PAPPA: variants seen among roughly 807,000 people sequenced by gnomAD.
The protein encoded by PAPPA is pappalysin-1.
In PAPPA, 60 loss-of-function variants were observed where a neutral mutation model predicts 164.0. That is an observed-to-expected ratio of 0.37 (90% CI 0.30 to 0.45). The LOEUF (loss-of-function observed/expected upper bound fraction) is 0.45. PAPPA is among the 20% of genes least tolerant of loss of function. The probability of loss-of-function intolerance (pLI) is 1.00; values close to 1 mark genes in which losing one functional copy is unlikely to be tolerated. For synonymous variants in PAPPA, 875 were observed against 814.1 expected, an observed-to-expected ratio of 1.07 and a Z score of -1.27; for missense variants, 1,782 against 2,087.3, an observed-to-expected ratio of 0.85 and a Z score of 2.85.
At chr9:116,288,929 A>G (rs1845379215) in intron 9 of PAPPA, 1 of 151,888 alleles carries the variant, frequency 6.6e-6, no homozygotes, top group South Asian at 2.1e-4. Context: ...CACCTTAGTC[A>G]CAACCAGCTA....
chr9:116,391,827 G>A (rs978902241), intron 21 of PAPPA, among the ~76,000 whole-genome samples: 2 of 152,228 alleles, frequency 1.3e-5, no homozygotes, highest in African/African-American at 4.8e-5. Flanking sequence ...TGTTCATGCT[G>A]TGGGTGGTAG....
At chr9:116,329,369 A>G (rs1186253690) in intron 10 of PAPPA, among the ~76,000 whole-genome samples, 1 of 152,174 alleles carries the variant, frequency 6.6e-6, no homozygotes, top group Non-Finnish European at 1.5e-5. Context: ...TTATAAAATT[A>G]CATATGATGA....
chr9:116,226,454 G>T (rs1844511545), intron 5 of PAPPA, among the ~76,000 whole-genome samples: 1 of 152,188 alleles, frequency 6.6e-6, no homozygotes, highest in Non-Finnish European at 1.5e-5. Context: ...GGTAGCCAAA[G>T]CACAGAAGTT....
intron 10 of PAPPA, among the ~76,000 whole-genome samples, chr9:116,314,244 T>C (rs1298891878): frequency 6.6e-6 from 1 of 151,548 alleles, no homozygotes; most frequent in Non-Finnish European, 1.5e-5. Flanking sequence ...CTAATTTTTG[T>C]ATTTTTAGTA....
chr9:116,235,658 G>A (rs1357569502), intron 7 of PAPPA, 21 bp downstream of exon 7: 5 of 1,612,030 alleles, frequency 3.1e-6, no homozygotes, highest in Non-Finnish European at 4.2e-6. Flanking sequence ...TCTCTGAATA[G>A]GGAGTTTATT....
intron 7 of PAPPA, among the ~76,000 whole-genome samples, chr9:116,243,262 C>CCGGTT (rs1398893094): frequency 6.6e-6 from 1 of 152,182 alleles, no homozygotes; most frequent in Non-Finnish European, 1.5e-5. Context: ...AAAAACCAGC[C>CCGGTT]CGGTTTCTGC....
intron 2 of PAPPA, among the ~76,000 whole-genome samples, chr9:116,196,440 GC>G (rs1844104734): frequency 6.6e-6 from 1 of 152,222 alleles, no homozygotes; most frequent in South Asian, 2.1e-4. Context: ...TTGGTCAGAT[GC>G]CCTTCCAGGT....
chr9:116,355,396 T>A (rs1846339794), intron 17 of PAPPA, among the ~76,000 whole-genome samples: 1 of 152,182 alleles, frequency 6.6e-6, no homozygotes, highest in Non-Finnish European at 1.5e-5. Flanking sequence ...ACAGTCAGAA[T>A]CCAGGTTCCC....
At chr9:116,364,564 T>A (rs1352267070) in intron 18 of PAPPA, among the ~76,000 whole-genome samples, 3 of 152,136 alleles carry the variant, frequency 2.0e-5, no homozygotes, top group Non-Finnish European at 4.4e-5. Flanking sequence ...AGCACTCACA[T>A]GCAATACATA....
At chr9:116,386,390 A>C (rs12236532) in intron 21 of PAPPA, among the ~76,000 whole-genome samples, 3 of 152,170 alleles carry the variant, frequency 2.0e-5, no homozygotes, top group Non-Finnish European at 4.4e-5. Flanking sequence ...AAAATAAATA[A>C]GAACACAAGA....
intron 10 of PAPPA, among the ~76,000 whole-genome samples, chr9:116,324,828 A>AAGCACCACTGTATAGATGCCAGGGAAGGG (rs1845902029): frequency 1.3e-5 from 2 of 152,126 alleles, no homozygotes; most frequent in Admixed American, 1.3e-4. Flanking sequence ...AGCATGAAGG[A>AAGCACCACTGTATAGATGCCAGGGAAGGG]AGCACCACTG....
intron 7 of PAPPA, among the ~76,000 whole-genome samples, chr9:116,235,927 G>T (rs1430903915): frequency 2.0e-5 from 3 of 152,208 alleles, no homozygotes; most frequent in African/African-American, 7.2e-5. Context: ...AATGAAGGAG[G>T]TTGGATGAGA....
Position 116,402,107 on chromosome 9 carries a change from T to G in PAPPA, c.*5491T>G, listed in dbSNP as rs947303293. ...ACACAATTGTTCATCTAATTTATTT[T>G]TTCTATACAGTTTTAAATACTCAGA... On this transcript the variant is annotated 3_prime_UTR_variant, in exon 22 of 22. Coordinates refer to ENST00000328252, the MANE Select transcript of PAPPA (RefSeq NM_002581.5). 6.6e-6 allele frequency: 1 copy of G among 152,570 alleles called. No homozygotes were observed. Among genetic ancestry groups the G allele is most frequent in the Non-Finnish European group, 1.5e-5 (1 of 68,012 alleles). The allele number at this position is 152,570 out of a possible 1,614,324, so 9.5% of individuals were successfully genotyped here.
At chr9:116,299,096 A>G (rs997654472) in intron 9 of PAPPA, among the ~76,000 whole-genome samples, 1 of 152,178 alleles carries the variant, frequency 6.6e-6, no homozygotes, top group Non-Finnish European at 1.5e-5. Context: ...ACGGGCTGGC[A>G]GATGTAGCTG....
chr9:116,371,832 C>T (rs572202977), intron 19 of PAPPA, among the ~76,000 whole-genome samples: 13 of 152,278 alleles, frequency 8.5e-5, no homozygotes, highest in African/African-American at 3.1e-4. Flanking sequence ...CCTCCCTCCC[C>T]AGGCCAGGCA....
At chr9:116,259,268 A>T (rs1421155217) in intron 7 of PAPPA, among the ~76,000 whole-genome samples, 1 of 151,998 alleles carries the variant, frequency 6.6e-6, no homozygotes, top group Non-Finnish European at 1.5e-5. Flanking sequence ...TCTTAGATTA[A>T]AGGAATGTTT....
Position 116,220,757 on chromosome 9 carries a change from G to A in PAPPA, c.2111+628G>A, listed in dbSNP as rs563984252. Among the ~76,000 whole-genome samples the A allele has an allele frequency of 2.2e-4, 34 of 151,228 alleles. 1 individual carries two copies. Among genetic ancestry groups the A allele is most frequent in the Admixed American group, 1.3e-3 (19 of 15,170 alleles). ...AAAAATTAGACGGGTGTGGTGGTGCGCGCCTGTAATCCCAGCTACATGGGA... is the reference window on the plus strand; with the variant it reads ...AAAAATTAGACGGGTGTGGTGGTGCACGCCTGTAATCCCAGCTACATGGGA... On this transcript the variant is annotated intron_variant, in intron 5 of 21. Coordinates refer to ENST00000328252, the MANE Select transcript of PAPPA (RefSeq NM_002581.5).
At chr9:116,194,433 G>T (rs1428587667) in intron 2 of PAPPA, among the ~76,000 whole-genome samples, 2 of 152,196 alleles carry the variant, frequency 1.3e-5, no homozygotes, top group African/African-American at 2.4e-5. Flanking sequence ...AAAAGAAATT[G>T]CTTGGAATTT....
Position 116,174,564 on chromosome 9 carries a change from A to C in PAPPA, c.416-12590A>C, listed in dbSNP as rs1267017761. 2.6e-5 allele frequency among the ~76,000 whole-genome samples: 4 copies of C among 152,292 alleles called. No homozygotes were observed. In the East Asian group the frequency reaches 5.8e-4, roughly 22 times the overall value. ...TCCTCCCAATGCTCTTCAGCAGATG[A>C]GGAACCGAGGTCCAAAGATGAAAAC... On this transcript the variant is annotated intron_variant, in intron 1 of 21. Transcript: ENST00000328252.
Sources: allele counts gnomAD v4.1 joint callset (sites outside exome capture counted in the v4.1 genomes callset), GRCh38; gene constraint gnomAD v4.1.1; transcripts MANE v1.5; gene names NCBI Gene and HGNC (gene_info 2026-07-23, HGNC 2026-07-21).